The following ZNF407 variants were observed in gnomAD, a reference collection of about 807,000 sequenced individuals.
The protein encoded by ZNF407 is zinc finger protein 407.
ZNF407 carries 17 observed loss-of-function variants against 131.2 expected under a neutral mutation model. The observed-to-expected ratio is 0.13, with a 90% CI of 0.09 to 0.19. The LOEUF (loss-of-function observed/expected upper bound fraction) is 0.19. Ranked by LOEUF, ZNF407 falls within the 10% of genes least tolerant of loss-of-function variation. The probability of loss-of-function intolerance (pLI) is 1.00; values close to 1 mark genes in which losing one functional copy is unlikely to be tolerated. For synonymous variants in ZNF407, 1,156 were observed against 1,062.0 expected, an observed-to-expected ratio of 1.09 and a Z score of -1.72; for missense variants, 2,681 against 2,830.6, an observed-to-expected ratio of 0.95 and a Z score of 1.20.
In ZNF407 at chr18:75,063,898, G is replaced by A; in HGVS notation, c.6177G>A (p.Val2059=). The change falls in exon 9 of 9, where the codon GTG becomes GTA. Residue 2059 remains valine, a synonymous_variant. Transcript: ENST00000299687. This position sits in a 1 kb window ranked among gnomAD's most constrained non-coding sequence, Gnocchi z 6.6. ...CCGCCGTGGAGGTGCTCACCCAGGTGGTCCATCCCTCAGCAGCCATGGCCT... is the reference window on the plus strand; with the variant it reads ...CCGCCGTGGAGGTGCTCACCCAGGTAGTCCATCCCTCAGCAGCCATGGCCT... The part of the protein sequence containing the change: ...SPAAVEVLTQ[V]VHPSAAMASQ... The A allele has an allele frequency of 1.2e-6, 2 of 1,613,490 alleles. No individual in the cohort carries two copies.
intron 8 of ZNF407, among the ~76,000 whole-genome samples, chr18:74,938,542 T>C (rs1972064004): frequency 1.3e-5 from 2 of 152,354 alleles, no homozygotes; most frequent in South Asian, 4.1e-4. Flanking sequence ...ATCCATTTAC[T>C]CGTGTACCAC....
intron 1 of ZNF407, among the ~76,000 whole-genome samples, chr18:74,612,194 A>G (rs1160594509): frequency 6.6e-6 from 1 of 152,194 alleles, no homozygotes; most frequent in Non-Finnish European, 1.5e-5. Flanking sequence ...TGCAAAAACA[A>G]AATTGTAGAT....
At chr18:74,967,098 A>G (rs2145298815) in intron 8 of ZNF407, among the ~76,000 whole-genome samples, 1 of 152,188 alleles carries the variant, frequency 6.6e-6, no homozygotes, top group East Asian at 1.9e-4. Flanking sequence ...TCGTCTCTAC[A>G]AAATATTTAA....
intron 1 of ZNF407, among the ~76,000 whole-genome samples, chr18:74,616,728 G>A (rs1983303140): frequency 6.7e-6 from 1 of 149,420 alleles, no homozygotes; most frequent in African/African-American, 2.5e-5. Flanking sequence ...GCTCATTCAT[G>A]TCCACGCTCT....
At chr18:75,038,238 C>T (rs1238268644) in intron 8 of ZNF407, among the ~76,000 whole-genome samples, 1 of 152,206 alleles carries the variant, frequency 6.6e-6, no homozygotes, top group Non-Finnish European at 1.5e-5. Flanking sequence ...ATTATTTAAA[C>T]CCATGTTCAT....
intron 7 of ZNF407, among the ~76,000 whole-genome samples, chr18:74,902,546 G>T (rs1971541599): frequency 6.6e-6 from 1 of 152,104 alleles, no homozygotes; most frequent in Admixed American, 6.5e-5. Flanking sequence ...TTTTTAAATG[G>T]GTTACATGGA....
intron 4 of ZNF407, among the ~76,000 whole-genome samples, chr18:74,861,819 A>G (rs996780732): frequency 9.9e-5 from 15 of 152,080 alleles, no homozygotes; most frequent in Non-Finnish European, 1.9e-4. Context: ...TTATTTCCTT[A>G]CTGTAAATGG....
intron 7 of ZNF407, among the ~76,000 whole-genome samples, chr18:74,903,859 T>C (rs1971561020): frequency 6.6e-6 from 1 of 152,220 alleles, no homozygotes; most frequent in Non-Finnish European, 1.5e-5. Context: ...AAAATACTGC[T>C]TGATGCTCAG....
chr18:75,040,042 G>C (rs1973355207), intron 8 of ZNF407, among the ~76,000 whole-genome samples: 1 of 152,118 alleles, frequency 6.6e-6, no homozygotes, highest in Non-Finnish European at 1.5e-5. Context: ...CTTTCATTTA[G>C]AACGTTTGGC....
At chr18:74,933,423 G>A (rs1194905266) in intron 8 of ZNF407, among the ~76,000 whole-genome samples, 2 of 152,158 alleles carry the variant, frequency 1.3e-5, no homozygotes, top group Non-Finnish European at 2.9e-5. Flanking sequence ...AAAATGGGGA[G>A]TTGTGTGACC....
chr18:74,880,963 C>CTGAA, intron 5 of ZNF407, 73 bp from the exon 6 acceptor site: 1 of 1,310,122 alleles, frequency 7.6e-7, no homozygotes, highest in Non-Finnish European at 1.1e-6. Flanking sequence ...ATTAGTAACC[C>CTGAA]TGAAAGCCTT....
At chr18:74,875,980 G>A (rs113794111) in intron 4 of ZNF407, among the ~76,000 whole-genome samples, 194 of 152,172 alleles carry the variant, frequency 1.3e-3, no homozygotes, top group African/African-American at 4.2e-3. Context: ...GTGATATTCC[G>A]AGTGATGAAT....
intron 4 of ZNF407, among the ~76,000 whole-genome samples, chr18:74,847,626 C>T (rs912306207): frequency 6.6e-6 from 1 of 152,030 alleles, no homozygotes; most frequent in African/African-American, 2.4e-5. Flanking sequence ...CTACTATAGC[C>T]TTCTCTTGTA....
intron 3 of ZNF407, among the ~76,000 whole-genome samples, chr18:74,719,290 G>A (rs912356478): frequency 6.6e-6 from 1 of 152,160 alleles, no homozygotes; most frequent in Non-Finnish European, 1.5e-5. Context: ...CTGTCTGGCT[G>A]TAATTTTGTA....
chr18:74,772,265 G>A (rs960036030), intron 3 of ZNF407, among the ~76,000 whole-genome samples: 1 of 152,164 alleles, frequency 6.6e-6, no homozygotes, highest in African/African-American at 2.4e-5. Context: ...CTATACATCT[G>A]TAACTATAAG....
intron 8 of ZNF407, chr18:74,921,064 T>C: frequency 2.1e-6 from 2 of 942,444 alleles, no homozygotes; most frequent in Non-Finnish European, 2.5e-6. Flanking sequence ...TGAAATGTTA[T>C]GCCCTGTTTA....
At chr18:74,803,993 C>T (rs1258311728) in intron 4 of ZNF407, 9 of 1,551,664 alleles carry the variant, frequency 5.8e-6, no homozygotes, top group East Asian at 4.9e-5. Flanking sequence ...AAGATCGGGA[C>T]GTTGCCAGGA....
At chr18:74,822,378 T>C (rs1970353162) in intron 4 of ZNF407, among the ~76,000 whole-genome samples, 1 of 152,236 alleles carries the variant, frequency 6.6e-6, no homozygotes, top group African/African-American at 2.4e-5. Context: ...TGTTTTCTTC[T>C]AGGATTTTTA....
intron 3 of ZNF407, among the ~76,000 whole-genome samples, chr18:74,653,959 C>T (rs1340035044): frequency 2.0e-5 from 3 of 151,584 alleles, no homozygotes; most frequent in Non-Finnish European, 3.0e-5. Flanking sequence ...TTATGTCCAT[C>T]GATATAATTT....
Sources: allele counts gnomAD v4.1 joint callset (sites outside exome capture counted in the v4.1 genomes callset), GRCh38; gene constraint gnomAD v4.1.1; non-coding constraint Gnocchi (gnomAD v3.1); transcripts MANE v1.5; gene names NCBI Gene and HGNC (gene_info 2026-07-23, HGNC 2026-07-21).